Variants in SRGAP2C observed in about 807,000 individuals in gnomAD.
SRGAP2C encodes SLIT-ROBO Rho GTPase activating protein 2C.
SRGAP2C carries 15 observed loss-of-function variants against 25.1 expected under a neutral mutation model. That is an observed-to-expected ratio of 0.60 (90% CI 0.40 to 0.92). SRGAP2C has a LOEUF of 0.92. Among genes scored for constraint, SRGAP2C ranks in the 40% least tolerant of loss-of-function variants. The pLI is 0.00. For missense variants in SRGAP2C, 144 were observed against 264.4 expected (o/e 0.54, Z 3.16); for synonymous variants, 44 against 96.6 (o/e 0.46, Z 3.19).
At chr1:121,378,756 C>T (rs1659735692) in intron 7 of SRGAP2C, among the ~76,000 whole-genome samples, 1 of 152,036 alleles carries the variant, frequency 6.6e-6, no homozygotes. Flanking sequence ...GTTCTGAAGC[C>T]AAATGTGTGC....
chr1:121,335,819 CTT>C lies in SRGAP2C; in HGVS notation c.423+11180_423+11181del, dbSNP rs1658503121. ...TGTGGGTCTGTTTATTGATTTTCCT[CTT>C]GACTTTTTTTTACATGCCTACTAAT... On this transcript the variant is annotated intron_variant, in intron 4 of 9. Transcript: ENST00000367123. Among the ~76,000 whole-genome samples the C allele has an allele frequency of 2.0e-5, 3 of 150,716 alleles. No homozygotes were observed. In the South Asian group the frequency reaches 6.3e-4, roughly 32 times the overall value.
rs782065056 is a variant in SRGAP2C at position 121,374,945 on chromosome 1, C to T, written c.822C>T (p.Asp274=). 3.9e-6 allele frequency: 3 copies of T among 777,690 alleles called. No homozygotes were observed. The highest frequency in any genetic ancestry group is 2.4e-6 in the Non-Finnish European group (1 of 416,594). 48.2% of individuals were successfully genotyped at this position (777,690 alleles called of 1,614,324 possible). The part of the protein sequence containing the change: ...VFKYYIHDLS[D]LIDQCCDLGY... ...AGTACTACATCCATGACCTATCTGA[C>T]CTTATTGATGTAAGTGCTTAAAGCC... The change falls in exon 7 of 10, where the codon GAC becomes GAT. Residue 274 remains aspartate, a synonymous_variant. Transcript: ENST00000367123.
At chr1:121,190,260 A>C in intron 2 of SRGAP2C, among the ~76,000 whole-genome samples, 1 of 147,550 alleles carries the variant, frequency 6.8e-6, no homozygotes. Context: ...TACAGATGCC[A>C]AGATAAAAAG....
intron 2 of SRGAP2C, among the ~76,000 whole-genome samples, chr1:121,270,570 T>C (rs1173207781): frequency 1.5e-5 from 2 of 131,774 alleles, no homozygotes; most frequent in African/African-American, 3.0e-5. Context: ...CACCATTAAT[T>C]AGATATTTAA....
intron 4 of SRGAP2C, among the ~76,000 whole-genome samples, chr1:121,329,022 G>A (rs1658378745): frequency 7.3e-6 from 1 of 136,310 alleles, no homozygotes; most frequent in African/African-American, 2.7e-5. Context: ...GACCAGCTTG[G>A]CCAACATGGT....
chr1:121,271,107 T>C (rs1656945547), intron 2 of SRGAP2C, among the ~76,000 whole-genome samples: 1 of 151,662 alleles, frequency 6.6e-6, no homozygotes, highest in South Asian at 2.1e-4. Flanking sequence ...GGACTGTTTT[T>C]TTTTTTGGTG....
At chr1:121,346,798 A>G (rs1442192192) in intron 4 of SRGAP2C, among the ~76,000 whole-genome samples, 2 of 151,656 alleles carry the variant, frequency 1.3e-5, no homozygotes, top group South Asian at 4.2e-4. Context: ...GAATAGTTAC[A>G]TGTCCCAGGC....
intron 2 of SRGAP2C, among the ~76,000 whole-genome samples, chr1:121,267,253 G>A (rs1163567146): frequency 9.9e-5 from 15 of 151,028 alleles, no homozygotes; most frequent in African/African-American, 3.2e-4. Context: ...GAGTGCAGCG[G>A]TGTGATCTCG....
chr1:121,355,305 CTTTTTTTTTTTTTTT>C (rs1203362201), intron 4 of SRGAP2C, among the ~76,000 whole-genome samples: 6 of 37,266 alleles, frequency 1.6e-4, no homozygotes, highest in Non-Finnish European at 2.2e-4. Context: ...GATACACATT[CTTTTTTTTTTTTTTT>C]TTTTTTTTTT....
chr1:121,322,669 G>A (rs1658236332), intron 3 of SRGAP2C, among the ~76,000 whole-genome samples: 3 of 145,534 alleles, frequency 2.1e-5, no homozygotes, highest in African/African-American at 2.6e-5. Flanking sequence ...AATATTAATT[G>A]GTTTGAAGTA....
chr1:121,316,083 C>T (rs1488445280), intron 3 of SRGAP2C, among the ~76,000 whole-genome samples: 1 of 130,246 alleles, frequency 7.7e-6, no homozygotes, highest in Non-Finnish European at 1.6e-5. Flanking sequence ...TTTTTCCCTC[C>T]TTTTCATTGT....
At chr1:121,217,898 A>AT (rs1176060775) in intron 2 of SRGAP2C, among the ~76,000 whole-genome samples, 1 of 150,792 alleles carries the variant, frequency 6.6e-6, no homozygotes, top group Non-Finnish European at 1.5e-5. Flanking sequence ...CACCTGCGAC[A>AT]TTTTCTTTTT....
At chr1:121,305,122 C>T (rs1203851098) in intron 3 of SRGAP2C, among the ~76,000 whole-genome samples, 1 of 148,714 alleles carries the variant, frequency 6.7e-6, no homozygotes, top group African/African-American at 2.5e-5. Flanking sequence ...AGACCCTTGC[C>T]AGTTTCTCCT....
chr1:121,262,973 A>C (rs1553333736), intron 2 of SRGAP2C, among the ~76,000 whole-genome samples: 2 of 151,560 alleles, frequency 1.3e-5, no homozygotes, highest in Non-Finnish European at 3.0e-5. Context: ...GACATAATAC[A>C]CACCTGCCCA....
intron 5 of SRGAP2C, among the ~76,000 whole-genome samples, chr1:121,372,063 A>G (rs1659505812): frequency 1.3e-5 from 2 of 152,130 alleles, no homozygotes; most frequent in Non-Finnish European, 2.9e-5. Flanking sequence ...TTCTGTATAG[A>G]AAATATGAAG....
chr1:121,248,471 G>A (rs1656271901), intron 2 of SRGAP2C, among the ~76,000 whole-genome samples: 1 of 128,900 alleles, frequency 7.8e-6, no homozygotes, highest in African/African-American at 3.0e-5. Flanking sequence ...TTTTGAGACG[G>A]AGTCTTGCTC....
chr1:121,308,648 A>G (rs1344933484), intron 3 of SRGAP2C, among the ~76,000 whole-genome samples: 2 of 151,908 alleles, frequency 1.3e-5, no homozygotes, highest in African/African-American at 4.8e-5. Flanking sequence ...CTCTGCAAAA[A>G]AAAGTATGGG....
rs1361182908 is a variant in SRGAP2C, at chr1:121,258,314, G to A, written c.68-26489G>A. ...CTTCTTTTATTTTGTTTTTAGGGTGGTGCCCTTCCCACAGGGAAGCAAGCT... is the reference window on the plus strand; with the variant it reads ...CTTCTTTTATTTTGTTTTTAGGGTGATGCCCTTCCCACAGGGAAGCAAGCT... On this transcript the variant is annotated intron_variant, in intron 2 of 9. Transcript: ENST00000367123. Among the ~76,000 whole-genome samples the A allele has an allele frequency of 1.3e-5, 2 of 151,414 alleles. 1 individual carries two copies. Among genetic ancestry groups the A allele is most frequent in the Non-Finnish European group, 2.9e-5 (2 of 67,802 alleles).
At chr1:121,255,107 T>C (rs1420536562) in intron 2 of SRGAP2C, among the ~76,000 whole-genome samples, 1 of 151,758 alleles carries the variant, frequency 6.6e-6, no homozygotes, top group Non-Finnish European at 1.5e-5. Flanking sequence ...TGGCAGATAC[T>C]GACACTAGAA....
Sources: gnomAD v4.1 joint callset for allele counts (sites outside exome capture counted in the v4.1 genomes callset) on GRCh38, gnomAD v4.1.1 for gene constraint, MANE v1.5 for transcripts, NCBI Gene and HGNC (gene_info 2026-07-23, HGNC 2026-07-21) for gene names.